The following PTPRM variants were observed in gnomAD, a reference collection of about 807,000 sequenced individuals.
The protein encoded by PTPRM is receptor-type tyrosine-protein phosphatase mu.
Under a neutral mutation model 186.7 loss-of-function variants are expected in PTPRM, and 47 were observed. The observed-to-expected ratio is 0.25, with a 90% CI of 0.20 to 0.32. The LOEUF is 0.32. Ranked by LOEUF, PTPRM falls within the 10% of genes least tolerant of loss-of-function variation. The pLI is 1.00. For synonymous variants in PTPRM, 668 were observed against 674.9 expected (o/e 0.99, Z 0.16); for missense variants, 1,494 against 1,865.0 (o/e 0.80, Z 3.66).
chr18:7,634,101 C>A (rs77865435), intron 1 of PTPRM, among the ~76,000 whole-genome samples: 2,372 of 152,272 alleles, frequency 0.016, 59 homozygotes, highest in African/African-American at 0.054. Context: ...CATCTCCTGC[C>A]ATGGGCCCTG....
intron 29 of PTPRM, among the ~76,000 whole-genome samples, chr18:8,383,406 G>C (rs113155546): frequency 5.4e-5 from 8 of 148,428 alleles, no homozygotes; most frequent in African/African-American, 2.0e-4. Context: ...TTAAATGCCT[G>C]TTAAGGTTTC....
chr18:7,901,645 T>C (rs962984493), intron 3 of PTPRM, among the ~76,000 whole-genome samples: 5 of 152,230 alleles, frequency 3.3e-5, no homozygotes, highest in African/African-American at 1.2e-4. Context: ...ATTACAGGCA[T>C]GAACCACTGT....
At chr18:7,843,837 A>C (rs1389300081) in intron 2 of PTPRM, among the ~76,000 whole-genome samples, 1 of 152,196 alleles carries the variant, frequency 6.6e-6, no homozygotes, top group Non-Finnish European at 1.5e-5. Context: ...GTGGGGCTTC[A>C]GCTAGAGGTC....
chr18:8,176,900 A>G (rs1391864028), intron 14 of PTPRM, among the ~76,000 whole-genome samples: 2 of 152,190 alleles, frequency 1.3e-5, no homozygotes, highest in East Asian at 3.8e-4. Context: ...CCCTGTTGAC[A>G]GTTTAGTTCT....
chr18:8,066,365 A>G (rs2089076737), intron 7 of PTPRM, among the ~76,000 whole-genome samples: 1 of 152,116 alleles, frequency 6.6e-6, no homozygotes, highest in Non-Finnish European at 1.5e-5. Flanking sequence ...CCATTTCCCC[A>G]TCCCTCTTAA....
At chr18:8,326,803 A>G (rs1284717260) in intron 22 of PTPRM, among the ~76,000 whole-genome samples, 1 of 152,218 alleles carries the variant, frequency 6.6e-6, no homozygotes, top group Non-Finnish European at 1.5e-5. Flanking sequence ...TCAATTCAAG[A>G]TGAATTAAAG....
At chr18:7,665,525 C>T (rs2039076211) in intron 1 of PTPRM, among the ~76,000 whole-genome samples, 1 of 152,186 alleles carries the variant, frequency 6.6e-6, no homozygotes, top group African/African-American at 2.4e-5. Context: ...ATTCTTTCTT[C>T]TGTCTTCTGG....
At chr18:7,686,051 G>A (rs150412639) in intron 1 of PTPRM, among the ~76,000 whole-genome samples, 24 of 152,278 alleles carry the variant, frequency 1.6e-4, no homozygotes, top group Admixed American at 4.6e-4. Context: ...TTAGGGAGCA[G>A]GATCTACTAT....
intron 1 of PTPRM, among the ~76,000 whole-genome samples, chr18:7,759,676 A>G (rs2041677432): frequency 6.6e-6 from 1 of 152,196 alleles, no homozygotes; most frequent in Non-Finnish European, 1.5e-5. Context: ...TGGATTGTTT[A>G]TGTGGCCCTG....
intron 2 of PTPRM, among the ~76,000 whole-genome samples, chr18:7,882,895 T>C (rs139383523): frequency 6.6e-6 from 1 of 152,334 alleles, no homozygotes; most frequent in Admixed American, 6.5e-5. Flanking sequence ...TGATGGAAGA[T>C]AGTTTAATCA....
At chr18:8,220,197 T>A (rs1395806000) in intron 14 of PTPRM, among the ~76,000 whole-genome samples, 1 of 152,144 alleles carries the variant, frequency 6.6e-6, no homozygotes, top group Admixed American at 6.5e-5. Context: ...GATAAAAGAT[T>A]AGAGATGAAG....
chr18:8,072,756 A>G lies in PTPRM; in HGVS notation c.1441+2762A>G, dbSNP rs140210057. On this transcript the variant is annotated intron_variant, in intron 8 of 32. Transcript: ENST00000580170. Reference sequence around the variant, plus strand: ...CTTTCATTAATGTTAGTAGAATCCTATACAGCCCAGGGATAAGTTGTACAA... The same window carrying G: ...CTTTCATTAATGTTAGTAGAATCCTGTACAGCCCAGGGATAAGTTGTACAA... Among the ~76,000 whole-genome samples the G allele has an allele frequency of 2.1e-3, 314 of 152,288 alleles. 4 individuals are homozygous for G. Among genetic ancestry groups the G allele is most frequent in the African/African-American group, 7.2e-3 (299 of 41,566 alleles).
At chr18:7,980,655 A>T (rs988365391) in intron 7 of PTPRM, among the ~76,000 whole-genome samples, 2 of 152,186 alleles carry the variant, frequency 1.3e-5, no homozygotes, top group East Asian at 3.9e-4. Flanking sequence ...AAGCACTGGG[A>T]TCACAGGTTT....
At chr18:8,027,761 T>C (rs1376621154) in intron 7 of PTPRM, among the ~76,000 whole-genome samples, 1 of 152,114 alleles carries the variant, frequency 6.6e-6, no homozygotes, top group African/African-American at 2.4e-5. Context: ...TTTACTGCAG[T>C]TTTAGAAAAA....
At chr18:8,173,132 G>A (rs1895468435) in intron 14 of PTPRM, among the ~76,000 whole-genome samples, 2 of 152,094 alleles carry the variant, frequency 1.3e-5, no homozygotes, top group Admixed American at 6.6e-5. Context: ...TAGTCTAAGT[G>A]GAACCATTAA....
rs149307241 is a variant in PTPRM, at chr18:7,844,689, C to T, written c.197-43417C>T. On this transcript the variant is annotated intron_variant, in intron 2 of 32. Transcript: ENST00000580170. Reference sequence around the variant, plus strand: ...TTCTTGACTTCTGTCTGAGTCACTCCTCCTCTTCCCTAAGAAGTGGCCAGT... The same window carrying T: ...TTCTTGACTTCTGTCTGAGTCACTCTTCCTCTTCCCTAAGAAGTGGCCAGT... 2.4e-3 allele frequency among the ~76,000 whole-genome samples: 366 copies of T among 152,274 alleles called. 2 individuals carry two copies. The highest frequency in any genetic ancestry group is 8.3e-3 in the African/African-American group (344 of 41,556).
chr18:8,379,861 A>G (rs902960171), intron 28 of PTPRM, among the ~76,000 whole-genome samples: 2 of 152,210 alleles, frequency 1.3e-5, no homozygotes, highest in African/African-American at 4.8e-5. Context: ...GAAGCTCTTC[A>G]GAGCTGTAAA....
intron 3 of PTPRM, among the ~76,000 whole-genome samples, chr18:7,905,343 A>C (rs2049925523): frequency 6.6e-6 from 1 of 152,164 alleles, no homozygotes; most frequent in African/African-American, 2.4e-5. Context: ...CCACCATCTT[A>C]AAAAACTCCG....
chr18:7,804,657 A>G (rs1207915201), intron 2 of PTPRM, among the ~76,000 whole-genome samples: 1 of 152,236 alleles, frequency 6.6e-6, no homozygotes, highest in Non-Finnish European at 1.5e-5. Context: ...TAAAATCAGC[A>G]CAAAGGCTTT....
Sources: gnomAD v4.1 joint callset for allele counts (sites outside exome capture counted in the v4.1 genomes callset) on GRCh38, gnomAD v4.1.1 for gene constraint, MANE v1.5 for transcripts, NCBI Gene and HGNC (gene_info 2026-07-23, HGNC 2026-07-21) for gene names.